The following GLIS3 variants were observed in gnomAD, a reference collection of about 807,000 sequenced individuals.
The protein encoded by GLIS3 is zinc finger protein GLIS3.
In GLIS3, 53 loss-of-function variants were observed where a neutral mutation model predicts 78.6. That is an observed-to-expected ratio of 0.67 (90% confidence interval 0.54 to 0.85). The LOEUF (loss-of-function observed/expected upper bound fraction) is 0.85. GLIS3 is among the 40% of genes least tolerant of loss of function. The pLI is 0.00. For missense variants in GLIS3, 1,703 were observed against 1,231.1 expected (o/e 1.38, Z -5.74); for synonymous variants, 684 against 509.9 (o/e 1.34, Z -4.60).
intron 2 of GLIS3, among the ~76,000 whole-genome samples, chr9:4,326,291 G>T (rs983993603): frequency 6.6e-5 from 10 of 152,224 alleles, no homozygotes; most frequent in African/African-American, 2.2e-4. Flanking sequence ...CAGTGAAAAA[G>T]GTAGAAACAA....
chr9:4,202,060 C>T (rs1438880443), intron 2 of GLIS3, among the ~76,000 whole-genome samples: 1 of 152,020 alleles, frequency 6.6e-6, no homozygotes, highest in Non-Finnish European at 1.5e-5. Flanking sequence ...ACTGCTTGAA[C>T]CCGGGAGACG....
chr9:4,468,607 G>A, the GLIS3 span, among the ~76,000 whole-genome samples: 3 of 152,160 alleles, frequency 2.0e-5, no homozygotes, highest in African/African-American at 4.8e-5. Context: ...TCACCACCAG[G>A]CCTGCCTTAC....
the GLIS3 span, among the ~76,000 whole-genome samples, chr9:4,485,699 T>G: frequency 6.6e-6 from 1 of 151,414 alleles, no homozygotes; most frequent in African/African-American, 2.4e-5. Flanking sequence ...AGTGATCTAC[T>G]TTTGAGACTC....
At chr9:4,448,051 C>G in the GLIS3 span, among the ~76,000 whole-genome samples, 2 of 152,186 alleles carry the variant, frequency 1.3e-5, no homozygotes, top group Admixed American at 6.5e-5. Flanking sequence ...CACAACCTGC[C>G]TGTTTCTATC....
intron 2 of GLIS3, among the ~76,000 whole-genome samples, chr9:4,323,856 G>A (rs1268124304): frequency 6.6e-6 from 1 of 152,172 alleles, no homozygotes; most frequent in African/African-American, 2.4e-5. Context: ...ATGAAAAGAA[G>A]CATTTATCTC....
At chr9:3,913,163 T>A (rs1396929118) in intron 6 of GLIS3, among the ~76,000 whole-genome samples, 1 of 152,208 alleles carries the variant, frequency 6.6e-6, no homozygotes, top group Non-Finnish European at 1.5e-5. Flanking sequence ...TAAAAGTCAG[T>A]GGATCTCATT....
chr9:4,092,637 C>T (rs1268103080), intron 4 of GLIS3, among the ~76,000 whole-genome samples: 1 of 152,116 alleles, frequency 6.6e-6, no homozygotes, highest in Non-Finnish European at 1.5e-5. Flanking sequence ...TGTCTTCCAC[C>T]TCCACATCTC....
the GLIS3 span, among the ~76,000 whole-genome samples, chr9:4,365,850 T>G: frequency 6.6e-6 from 1 of 152,250 alleles, no homozygotes; most frequent in African/African-American, 2.4e-5. Flanking sequence ...CAATATCTTC[T>G]TTTAAAACAC....
chr9:4,224,935 T>C lies in GLIS3; in HGVS notation c.388+61103A>G, dbSNP rs1313436194. ...CCAAGATTTAGATCACGATTATCAC[T>C]ATGAGTATCGTTATCATTACTACAA... is the stretch of plus-strand genomic sequence containing the variant. On this transcript the variant is annotated intron_variant, in intron 2 of 10. Transcript: ENST00000381971. Among the ~76,000 whole-genome samples, 3 of 152,150 alleles carry C rather than the reference T, an allele frequency of 2.0e-5. No individual in the cohort carries two copies. The South Asian group carries it at 6.2e-4, about 32-fold the overall frequency.
intron 4 of GLIS3, among the ~76,000 whole-genome samples, chr9:4,089,402 A>G (rs995525956): frequency 2.0e-5 from 3 of 152,198 alleles, no homozygotes; most frequent in South Asian, 2.1e-4. Flanking sequence ...GTGTATGTTA[A>G]TAAAAAACTG....
At chr9:4,376,119 GA>G in the GLIS3 span, among the ~76,000 whole-genome samples, 1 of 152,106 alleles carries the variant, frequency 6.6e-6, no homozygotes, top group Admixed American at 6.6e-5. Context: ...AATCTGGATT[GA>G]AAAAAAGTTG....
chr9:4,359,642 G>A, the GLIS3 span, among the ~76,000 whole-genome samples: 1 of 152,044 alleles, frequency 6.6e-6, no homozygotes, highest in Non-Finnish European at 1.5e-5. Context: ...TCCAAGACCT[G>A]GATTTTAATT....
intron 2 of GLIS3, among the ~76,000 whole-genome samples, chr9:4,178,504 T>C (rs1165624132): frequency 6.6e-6 from 1 of 152,238 alleles, no homozygotes; most frequent in Non-Finnish European, 1.5e-5. Context: ...TCTAGACTGC[T>C]GCTGAATACA....
At chr9:4,354,912 C>A in the GLIS3 span, among the ~76,000 whole-genome samples, 66 of 152,128 alleles carry the variant, frequency 4.3e-4, no homozygotes, top group African/African-American at 1.5e-3. Context: ...GTCAGGAGAT[C>A]GAGACCATCC....
chr9:4,471,052 T>C, the GLIS3 span, among the ~76,000 whole-genome samples: 2 of 151,848 alleles, frequency 1.3e-5, no homozygotes, highest in Non-Finnish European at 2.9e-5. Context: ...TTACAAGGGA[T>C]GTGAAGGACC....
At chr9:4,216,855 C>A (rs566620590) in intron 2 of GLIS3, among the ~76,000 whole-genome samples, 1 of 152,176 alleles carries the variant, frequency 6.6e-6, no homozygotes, top group African/African-American at 2.4e-5. Flanking sequence ...AGGAATGTCA[C>A]GTGCATTATG....
intron 4 of GLIS3, among the ~76,000 whole-genome samples, chr9:4,046,112 A>G (rs1825227188): frequency 6.6e-6 from 1 of 152,204 alleles, no homozygotes; most frequent in Non-Finnish European, 1.5e-5. Context: ...ATGGACTTCA[A>G]CAATGTATTT....
rs1370409951 is a variant in GLIS3 at position 3,867,748 on chromosome 9, TGTGTGTGA to T, written c.2298-11572_2298-11565del. On this transcript the variant is annotated intron_variant, in intron 8 of 10. Coordinates refer to ENST00000381971, the MANE Select transcript of GLIS3 (RefSeq NM_001042413.2). Reference sequence around the variant, plus strand: ...GTGTGTGCGTGCGTGTGTGTGTGTGTGTGTGTGAGTGCATGTGTGTATGCGTGTGCATG... The same window carrying T: ...GTGTGTGCGTGCGTGTGTGTGTGTGTGTGCATGTGTGTATGCGTGTGCATG... Among the ~76,000 whole-genome samples, 61 of 149,342 alleles carry T rather than the reference TGTGTGTGA, an allele frequency of 4.1e-4. 1 individual carries two copies. Among genetic ancestry groups the T allele is most frequent in the South Asian group, 8.5e-4 (4 of 4,718 alleles).
chr9:3,882,454 A>C (rs919158505), intron 7 of GLIS3, among the ~76,000 whole-genome samples: 1 of 152,132 alleles, frequency 6.6e-6, no homozygotes, highest in Non-Finnish European at 1.5e-5. Context: ...AGTTGAGGAG[A>C]GGTGCTACCA....
Sources: gnomAD v4.1 joint callset for allele counts (sites outside exome capture counted in the v4.1 genomes callset) on GRCh38, gnomAD v4.1.1 for gene constraint, MANE v1.5 for transcripts, NCBI Gene and HGNC (gene_info 2026-07-23, HGNC 2026-07-21) for gene names.